The following BBS7 variants were observed in gnomAD, a reference collection of about 807,000 sequenced individuals.
The protein encoded by BBS7 is Bardet-Biedl syndrome 7.
In BBS7, 50 loss-of-function variants were observed where a neutral mutation model predicts 90.3. The ratio of observed to expected loss-of-function variants is 0.55; its 90% CI spans 0.44 to 0.70. BBS7 has a LOEUF of 0.70. Ranked by LOEUF, BBS7 falls within the 30% of genes least tolerant of loss-of-function variation. The pLI is 0.00. For missense variants in BBS7, 729 were observed against 838.9 expected, an observed-to-expected ratio of 0.87 and a Z score of 1.62; for synonymous variants, 235 against 287.4, an observed-to-expected ratio of 0.82 and a Z score of 1.85.
intron 8 of BBS7, among the ~76,000 whole-genome samples, chr4:121,849,554 C>T (rs543029682): frequency 1.3e-5 from 2 of 150,054 alleles, no homozygotes; most frequent in Admixed American, 6.7e-5. Context: ...CAAGGCTGGG[C>T]GCGGTGGCTC....
intron 1 of BBS7, among the ~76,000 whole-genome samples, 184 bp downstream of exon 1, chr4:121,870,094 C>T (rs923815555): frequency 1.3e-5 from 2 of 152,202 alleles, no homozygotes; most frequent in Non-Finnish European, 2.9e-5. Flanking sequence ...CCCCGGTCCC[C>T]TCGGACCGTC....
intron 10 of BBS7, 115 bp downstream of exon 10, chr4:121,847,283 GATAAAC>G: frequency 1.5e-6 from 1 of 682,118 alleles, no homozygotes; most frequent in African/African-American, 1.8e-5. Context: ...TTTAAAAGGT[GATAAAC>G]TAATTAATTA....
chr4:121,855,675 T>A (rs1726572509), intron 5 of BBS7, 114 bp from the exon 6 acceptor site: 7 of 1,001,614 alleles, frequency 7.0e-6, no homozygotes, highest in Non-Finnish European at 1.1e-5. Flanking sequence ...TAGAATAAAA[T>A]TGCTTTAAAA....
intron 3 of BBS7, among the ~76,000 whole-genome samples, chr4:121,862,978 G>C (rs1200808686): frequency 3.3e-5 from 5 of 151,972 alleles, no homozygotes; most frequent in Admixed American, 2.0e-4. Flanking sequence ...CCTAAATTTG[G>C]GGTAATATAT....
At chr4:121,843,554 A>G (rs1376382275) in intron 12 of BBS7, among the ~76,000 whole-genome samples, 1 of 152,228 alleles carries the variant, frequency 6.6e-6, no homozygotes, top group Non-Finnish European at 1.5e-5. Flanking sequence ...TTGAGTGCCA[A>G]GATAATACTT....
In BBS7 at chr4:121,870,304, T is replaced by C. The variant is rs780400529; in HGVS notation, c.10A>G (p.Ile4Val). The C allele has an allele frequency of 6.2e-7, 1 of 1,614,020 alleles. No individual in the cohort carries two copies. The highest frequency in any genetic ancestry group is 8.5e-7 in the Non-Finnish European group (1 of 1,179,978). Residue 4 changes from isoleucine (I) to valine (V), a missense_variant, in exon 1 of 19, where the codon ATT becomes GTT. Transcript: ENST00000264499. Reference protein sequence around the residue: MDLILNRMDYLQVG... With the variant: MDLVLNRMDYLQVG... ...TGCAGATAATCCATTCGGTTTAAAATCAGATCCATGATGACTACGCGGAGG... is the reference window on the plus strand; with the variant it reads ...TGCAGATAATCCATTCGGTTTAAAACCAGATCCATGATGACTACGCGGAGG...
At position 121,833,412 on chromosome 4, in the gene BBS7, G is replaced by C; in HGVS notation, c.1512-17C>G. On this transcript the variant is annotated splice_polypyrimidine_tract_variant and intron_variant, in intron 14 of 18. Transcript: ENST00000264499. ...TTCATGGGTCTGTAATATAATAGTA[G>C]AGGCGCACATTTATGTGTGGGAATA... 1 of 1,612,538 alleles carries C rather than the reference G, an allele frequency of 6.2e-7. No homozygotes were observed. The highest frequency in any genetic ancestry group is 8.5e-7 in the Non-Finnish European group (1 of 1,178,640).
chr4:121,836,813 A>C (rs1322988967), intron 13 of BBS7, among the ~76,000 whole-genome samples: 2 of 152,040 alleles, frequency 1.3e-5, no homozygotes, highest in African/African-American at 2.4e-5. Flanking sequence ...CTTGCCCCCT[A>C]GTGATGTTGT....
At chr4:121,848,640 G>A (rs1726139738) in intron 9 of BBS7, among the ~76,000 whole-genome samples, 1 of 152,076 alleles carries the variant, frequency 6.6e-6, no homozygotes, top group Non-Finnish European at 1.5e-5. Context: ...TAGGCATGTA[G>A]GTATAGGAAA....
chr4:121,836,236 C>A (rs1248306753), intron 13 of BBS7, among the ~76,000 whole-genome samples: 1 of 152,126 alleles, frequency 6.6e-6, no homozygotes, highest in Admixed American at 6.6e-5. Flanking sequence ...TTTAATATAT[C>A]ATTTCACATG....
intron 12 of BBS7, among the ~76,000 whole-genome samples, chr4:121,842,163 G>A (rs940978992): frequency 2.0e-5 from 3 of 147,494 alleles, no homozygotes; most frequent in African/African-American, 7.5e-5. Flanking sequence ...TGAGACAGGA[G>A]AATTGCTTGA....
intron 1 of BBS7, 76 bp from the exon 2 acceptor site, chr4:121,868,122 T>G (rs943115800): frequency 3.2e-5 from 39 of 1,203,622 alleles, no homozygotes; most frequent in Non-Finnish European, 3.8e-5. Flanking sequence ...ATAGTGAACC[T>G]TTTTGTTAAA....
chr4:121,852,010 G>A (rs1382285395), intron 8 of BBS7, among the ~76,000 whole-genome samples: 1 of 152,220 alleles, frequency 6.6e-6, no homozygotes, highest in Non-Finnish European at 1.5e-5. Context: ...GAAAAAGCAG[G>A]AGATCATCAA....
At chr4:121,869,003 G>A (rs1285794986) in intron 1 of BBS7, among the ~76,000 whole-genome samples, 1 of 152,210 alleles carries the variant, frequency 6.6e-6, no homozygotes, top group East Asian at 1.9e-4. Flanking sequence ...AGCAAGTGAT[G>A]TGAAGGATGG....
intron 9 of BBS7, among the ~76,000 whole-genome samples, chr4:121,847,835 T>G (rs1726094717): frequency 6.6e-6 from 1 of 151,756 alleles, no homozygotes; most frequent in Non-Finnish European, 1.5e-5. Flanking sequence ...AGCTGAAAAA[T>G]AAGAATTGCC....
At chr4:121,842,498 G>T (rs1725796203) in intron 12 of BBS7, among the ~76,000 whole-genome samples, 1 of 151,650 alleles carries the variant, frequency 6.6e-6, no homozygotes, top group Non-Finnish European at 1.5e-5. Context: ...AGCCAGGCAT[G>T]GTGGCTTGTG....
At chr4:121,861,244 T>G (rs1322329364) in intron 4 of BBS7, 2 of 309,700 alleles carry the variant, frequency 6.5e-6, no homozygotes, top group Non-Finnish European at 1.2e-5. Flanking sequence ...TATTTTCAAT[T>G]TTTTTGATAC....
intron 2 of BBS7, among the ~76,000 whole-genome samples, chr4:121,865,777 G>A (rs564658047): frequency 1.1e-4 from 16 of 152,246 alleles, no homozygotes; most frequent in Admixed American, 9.2e-4. Context: ...TGTAGTTTTT[G>A]AAAAATCCTA....
rs756139233 is a variant in BBS7 at position 121,828,504 on chromosome 4, C to A, written c.1788G>T (p.Glu596Asp). ...TGTGTTTGACTGATACTTCATTTATCTCTAGAAGGAGTTGACCAGATGCAG... is the reference window on the plus strand; with the variant it reads ...TGTGTTTGACTGATACTTCATTTATATCTAGAAGGAGTTGACCAGATGCAG... The part of the protein sequence containing the change: ...KRKINLNISY[E>D]INEVSVKHTL... Residue 596 changes from glutamate (E) to aspartate (D), a missense_variant and splice_region_variant, in exon 17 of 19, where the codon GAG (glutamate) becomes GAT (aspartate). Glu to Asp is a conservative substitution (Grantham distance 45). Coordinates refer to ENST00000264499, the MANE Select transcript of BBS7 (RefSeq NM_176824.3). 7.4e-6 allele frequency: 12 copies of A among 1,611,914 alleles called. No individual in the cohort carries two copies. In the South Asian group the frequency reaches 1.2e-4, roughly 16 times the overall value.
Sources: allele counts gnomAD v4.1 joint callset (sites outside exome capture counted in the v4.1 genomes callset), GRCh38; gene constraint gnomAD v4.1.1; transcripts MANE v1.5; gene names NCBI Gene and HGNC (gene_info 2026-07-23, HGNC 2026-07-21).